Variants in C8orf74 observed in about 807,000 individuals in gnomAD.
C8orf74 encodes the protein uncharacterized protein C8orf74.
C8orf74 carries 29 observed loss-of-function variants against 22.2 expected under a neutral mutation model. That is an observed-to-expected ratio of 1.31 (90% CI 0.97 to 1.78). The LOEUF (loss-of-function observed/expected upper bound fraction) is 1.78, where lower values mean the gene tolerates loss of function less well. C8orf74 is among the 40% of genes most tolerant of loss of function. The pLI is 0.00. For missense variants in C8orf74, 515 were observed against 369.9 expected, an observed-to-expected ratio of 1.39 and a Z score of -3.22; for synonymous variants, 255 against 163.1, an observed-to-expected ratio of 1.56 and a Z score of -4.30.
At chr8:10,672,746 A>C (rs1798942207) in intron 1 of C8orf74, 33 bp downstream of exon 1, 1 of 1,543,430 alleles carries the variant, frequency 6.5e-7, no homozygotes, top group African/African-American at 1.4e-5. Context: ...TTTTAAACAG[A>C]AACTGGCTCA....
intron 2 of C8orf74, among the ~76,000 whole-genome samples, chr8:10,680,157 T>A (rs957694462): frequency 6.6e-6 from 1 of 152,216 alleles, no homozygotes; most frequent in Non-Finnish European, 1.5e-5. Flanking sequence ...CTTGCCCCAG[T>A]GACGCTCCTT....
At chr8:10,690,865 C>T (rs926524633) in intron 2 of C8orf74, 17 of 456,124 alleles carry the variant, frequency 3.7e-5, no homozygotes, top group Admixed American at 1.4e-4. Flanking sequence ...TGCATATCCT[C>T]GCAGGTGCTG....
At chr8:10,682,061 G>A (rs772057695) in intron 2 of C8orf74, among the ~76,000 whole-genome samples, 4 of 152,216 alleles carry the variant, frequency 2.6e-5, no homozygotes, top group Non-Finnish European at 5.9e-5. Flanking sequence ...CAGCCCTGAA[G>A]TACCCCGCCC....
intron 2 of C8orf74, among the ~76,000 whole-genome samples, chr8:10,687,430 A>G (rs1240469077): frequency 6.6e-6 from 1 of 152,092 alleles, no homozygotes; most frequent in African/African-American, 2.4e-5. Flanking sequence ...CGGGTGTATC[A>G]CCTGAGATCA....
intron 2 of C8orf74, among the ~76,000 whole-genome samples, chr8:10,685,325 G>C (rs1799239534): frequency 6.6e-6 from 1 of 152,178 alleles, no homozygotes; most frequent in South Asian, 2.1e-4. Flanking sequence ...GTGGAGACTT[G>C]GGGAGGTGTT....
At chr8:10,677,653 T>A (rs1011650461) in intron 2 of C8orf74, among the ~76,000 whole-genome samples, 1 of 152,088 alleles carries the variant, frequency 6.6e-6, no homozygotes, top group Non-Finnish European at 1.5e-5. Context: ...CTGCCCCCTC[T>A]CTTGCTGCCC....
At chr8:10,695,771 C>T (rs749145670) in intron 2 of C8orf74, among the ~76,000 whole-genome samples, 3 of 152,172 alleles carry the variant, frequency 2.0e-5, no homozygotes, top group Non-Finnish European at 2.9e-5. Flanking sequence ...ATGGAGGGCT[C>T]ACATGAAGGA....
At position 10,691,358 on chromosome 8, in the gene C8orf74, G is replaced by T. The variant is rs1446724374; in HGVS notation, c.242-6241G>T. ...CTGGCAGACTTCTCTTTTCAGATCT[G>T]GGTTTTGTGTACGGCTGCTGGGGCT... On this transcript the variant is annotated intron_variant, in intron 2 of 3. Transcript: ENST00000304519. 1.1e-4 allele frequency: 19 copies of T among 177,568 alleles called. No homozygotes were observed. The East Asian group carries it at 2.5e-3, about 23-fold the overall frequency. 11.0% of individuals were successfully genotyped at this position (177,568 alleles called of 1,614,324 possible).
chr8:10,678,056 G>A (rs1799069531), intron 2 of C8orf74, among the ~76,000 whole-genome samples: 1 of 152,148 alleles, frequency 6.6e-6, no homozygotes, highest in South Asian at 2.1e-4. Context: ...TCATCTGAAA[G>A]CGTGTGAGGC....
chr8:10,690,670 G>T (rs1799359357), intron 2 of C8orf74, among the ~76,000 whole-genome samples: 2 of 152,260 alleles, frequency 1.3e-5, no homozygotes, highest in South Asian at 4.1e-4. Flanking sequence ...CAGCCCCGCA[G>T]GGGTGTGGCG....
At chr8:10,689,657 C>T (rs973027155) in intron 2 of C8orf74, 1 of 152,098 alleles carries the variant, frequency 6.6e-6, no homozygotes, top group Non-Finnish European at 1.5e-5. Flanking sequence ...CTACCGTTGA[C>T]CAGAAGCTTA....
chr8:10,673,039 C>A (rs561885472), intron 1 of C8orf74, among the ~76,000 whole-genome samples: 2 of 152,266 alleles, frequency 1.3e-5, no homozygotes, highest in African/African-American at 4.8e-5. Context: ...TTGGGGGAGG[C>A]TCTGCTGCTT....
At chr8:10,682,955 T>C (rs1799183920) in intron 2 of C8orf74, among the ~76,000 whole-genome samples, 2 of 152,208 alleles carry the variant, frequency 1.3e-5, no homozygotes, top group African/African-American at 4.8e-5. Context: ...TCTGGAGAGA[T>C]TGGGTAACTT....
rs1798995008 is a variant in C8orf74, at chr8:10,674,735, C to T, written c.138C>T (p.Asp46=). ...QRDSRRSILL[D]TLYESIIFAV... ...ACTCCCGGAGGAGCATCCTGCTGGA[C>T]ACCCTCTACGAGAGCATCATCTTTG... Residue 46 remains aspartate (D), a synonymous_variant, in exon 2 of 4, where the codon GAC becomes GAT. Coordinates refer to ENST00000304519, the MANE Select transcript of C8orf74 (RefSeq NM_001040032.2). 2.5e-6 allele frequency: 4 copies of T among 1,607,678 alleles called. No individual in the cohort carries two copies. In the African/African-American group the frequency reaches 4.0e-5, roughly 16 times the overall value.
intron 2 of C8orf74, among the ~76,000 whole-genome samples, chr8:10,680,909 C>T (rs891234543): frequency 1.3e-5 from 2 of 152,150 alleles, no homozygotes; most frequent in Non-Finnish European, 2.9e-5. Flanking sequence ...GCAGGCAGCC[C>T]AGGCAGGAGC....
intron 2 of C8orf74, among the ~76,000 whole-genome samples, chr8:10,678,904 G>C (rs1337041653): frequency 1.3e-5 from 2 of 152,200 alleles, no homozygotes; most frequent in East Asian, 3.9e-4. Context: ...GTCAGCACCT[G>C]TGTTCTTACT....
At chr8:10,694,400 T>C (rs1175862510) in intron 2 of C8orf74, among the ~76,000 whole-genome samples, 1 of 152,150 alleles carries the variant, frequency 6.6e-6, no homozygotes, top group Non-Finnish European at 1.5e-5. Flanking sequence ...AGGTTAATGA[T>C]GTACCTGGGA....
chr8:10,680,277 G>A (rs1277499864), intron 2 of C8orf74, among the ~76,000 whole-genome samples: 4 of 152,192 alleles, frequency 2.6e-5, no homozygotes, highest in African/African-American at 4.8e-5. Flanking sequence ...CCTTGAGAAC[G>A]ATAGTTTCCT....
chr8:10,681,151 G>T (rs556202399), intron 2 of C8orf74, among the ~76,000 whole-genome samples: 4 of 152,120 alleles, frequency 2.6e-5, no homozygotes, highest in South Asian at 4.2e-4. Context: ...CTCCCAGTCC[G>T]ATCAGGCCTT....
Sources: allele counts gnomAD v4.1 joint callset (sites outside exome capture counted in the v4.1 genomes callset), GRCh38; gene constraint gnomAD v4.1.1; transcripts MANE v1.5; gene names NCBI Gene and HGNC (gene_info 2026-07-23, HGNC 2026-07-21).